Variants in RGSL1 observed in about 807,000 individuals in gnomAD.
The protein encoded by RGSL1 is regulator of G protein signaling protein-like.
RGSL1 carries 97 observed loss-of-function variants against 124.7 expected under a neutral mutation model. That is an observed-to-expected ratio of 0.78 (90% CI 0.66 to 0.92). The LOEUF is 0.92. Ranked by LOEUF, RGSL1 falls within the 40% of genes least tolerant of loss-of-function variation. The pLI is 0.00. For synonymous variants in RGSL1, 424 were observed against 438.1 expected, an observed-to-expected ratio of 0.97 and a Z score of 0.40; for missense variants, 1,233 against 1,288.4, an observed-to-expected ratio of 0.96 and a Z score of 0.66.
chr1:182,459,968 C>T (rs1397688787), intron 3 of RGSL1, 36 bp from the exon 4 acceptor site: 3 of 1,543,344 alleles, frequency 1.9e-6, no homozygotes, highest in South Asian at 2.4e-5. Context: ...TTCGGTTTCA[C>T]TTAGCATTTT....
At chr1:182,548,632 G>T in intron 16 of RGSL1, 68 bp from the exon 17 acceptor site, 1 of 1,538,236 alleles carries the variant, frequency 6.5e-7, no homozygotes. Flanking sequence ...GGGGTTCTGG[G>T]GGCCAGGAGA....
rs555762598 is a variant in RGSL1, at chr1:182,556,102, C to G, written c.*45C>G. The G allele has an allele frequency of 6.6e-7, 1 of 1,519,062 alleles. No individual in the cohort carries two copies. Among genetic ancestry groups the G allele is most frequent in the African/African-American group, 1.4e-5 (1 of 71,784 alleles). 94.1% of individuals were successfully genotyped at this position (1,519,062 alleles called of 1,614,324 possible). On this transcript the variant is annotated 3_prime_UTR_variant, in exon 21 of 22. Coordinates refer to ENST00000294854, the MANE Select transcript of RGSL1 (RefSeq NM_001137669.2). ...GAGATAAATCATCTCTTAGAGGCCT[C>G]CTAACACTGACAGAAACTTTTCTGG...
chr1:182,525,895 G>T (rs1284801724), intron 10 of RGSL1, among the ~76,000 whole-genome samples: 1 of 152,054 alleles, frequency 6.6e-6, no homozygotes, highest in Non-Finnish European at 1.5e-5. Context: ...TTAAAATCTG[G>T]ATTTAAAGAG....
In RGSL1 at chr1:182,498,708, T is replaced by C. The variant is rs540374089; in HGVS notation, c.1825+5579T>C. Among the ~76,000 whole-genome samples the C allele has an allele frequency of 1.4e-3, 211 of 152,322 alleles. 1 individual carries two copies. Among genetic ancestry groups the C allele is most frequent in the Non-Finnish European group, 2.7e-3 (187 of 68,026 alleles). On this transcript the variant is annotated intron_variant, in intron 9 of 21. Coordinates refer to ENST00000294854, the MANE Select transcript of RGSL1 (RefSeq NM_001137669.2). ...TGCCATGGGCCAACAGTGTGGTTGG[T>C]TTAAATTCAGTTTTTTGTTTTTTAT...
intron 4 of RGSL1, among the ~76,000 whole-genome samples, chr1:182,470,047 C>T (rs1653699781): frequency 6.6e-6 from 1 of 151,906 alleles, no homozygotes; most frequent in African/African-American, 2.4e-5. Context: ...TAAAGAGTTT[C>T]AGTTTTGCAA....
intron 8 of RGSL1, among the ~76,000 whole-genome samples, chr1:182,490,854 AG>A (rs1164230157): frequency 1.3e-5 from 2 of 151,608 alleles, no homozygotes; most frequent in African/African-American, 2.4e-5. Context: ...CTTGAATCTC[AG>A]GTAGGTTGGT....
Position 182,510,747 on chromosome 1 carries a change from A to G in RGSL1, c.1826-11257A>G, listed in dbSNP as rs575193114. Reference sequence around the variant, plus strand: ...GTATGTTTTCTTTTGAGAAACGTCTATTCAGAGCTTTTGCCCATTTTTAAG... The same window carrying G: ...GTATGTTTTCTTTTGAGAAACGTCTGTTCAGAGCTTTTGCCCATTTTTAAG... On this transcript the variant is annotated intron_variant, in intron 9 of 21. Coordinates refer to ENST00000294854, the MANE Select transcript of RGSL1 (RefSeq NM_001137669.2). 8.0e-5 allele frequency among the ~76,000 whole-genome samples: 12 copies of G among 150,892 alleles called. No homozygotes were observed. In the South Asian group the frequency reaches 2.3e-3, roughly 29 times the overall value.
intron 10 of RGSL1, among the ~76,000 whole-genome samples, chr1:182,524,423 G>A (rs1316305739): frequency 6.6e-6 from 1 of 152,120 alleles, no homozygotes; most frequent in Non-Finnish European, 1.5e-5. Flanking sequence ...AAATACAGAT[G>A]TACAAAGCAA....
intron 9 of RGSL1, among the ~76,000 whole-genome samples, chr1:182,497,220 GAGATAGAA>G (rs1000714745): frequency 1.7e-4 from 26 of 149,946 alleles, no homozygotes; most frequent in African/African-American, 5.4e-4. Flanking sequence ...GAATGAAAAA[GAGATAGAA>G]AGATAGATAG....
chr1:182,538,714 T>C (rs1285868187), intron 14 of RGSL1, among the ~76,000 whole-genome samples: 1 of 152,056 alleles, frequency 6.6e-6, no homozygotes, highest in Non-Finnish European at 1.5e-5. Flanking sequence ...ACTGTCAGGC[T>C]CATGCAGATG....
intron 2 of RGSL1, among the ~76,000 whole-genome samples, chr1:182,455,184 A>C (rs1652197749): frequency 6.6e-6 from 1 of 152,212 alleles, no homozygotes. Context: ...GATCATCCCT[A>C]CCTGGAAAAG....
chr1:182,453,962 A>G lies in RGSL1; in HGVS notation c.18A>G (p.Ile6Met). The G allele has an allele frequency of 6.7e-7, 1 of 1,488,034 alleles. No homozygotes were observed. The highest frequency in any genetic ancestry group is 9.2e-7 in the Non-Finnish European group (1 of 1,089,496). The allele number at this position is 1,488,034 out of a possible 1,614,324, so 92.2% of individuals were successfully genotyped here. The change falls in exon 2 of 22, where the codon ATA becomes ATG. Residue 6 changes from isoleucine (I) to methionine (M), a missense_variant. By Grantham distance (10) the Ile-to-Met change is conservative. Coordinates refer to ENST00000294854, the MANE Select transcript of RGSL1 (RefSeq NM_001137669.2). The stretch of plus-strand genomic sequence containing the variant: ...TATTTCTCTCTCTCCATATAGAGAT[A>G]ATTGGTTCTACAAATCTTATAATTC... The part of the protein sequence containing the change: MSSAE[I>M]IGSTNLIILL...
intron 17 of RGSL1, chr1:182,549,145 G>A: frequency 4.5e-6 from 1 of 223,874 alleles, no homozygotes; most frequent in Non-Finnish European, 8.9e-6. Context: ...GTGAACCACA[G>A]CCCCTTGGGG....
At chr1:182,524,555 G>A (rs527809843) in intron 10 of RGSL1, among the ~76,000 whole-genome samples, 1 of 152,268 alleles carries the variant, frequency 6.6e-6, no homozygotes, top group Admixed American at 6.5e-5. Context: ...ATTAACGGAA[G>A]GCATTTAACA....
At chr1:182,518,392 G>C (rs1658059972) in intron 9 of RGSL1, among the ~76,000 whole-genome samples, 1 of 152,186 alleles carries the variant, frequency 6.6e-6, no homozygotes, top group Non-Finnish European at 1.5e-5. Context: ...GGGAAGGCTA[G>C]CTAGGGGTTT....
intron 9 of RGSL1, among the ~76,000 whole-genome samples, chr1:182,519,946 T>G (rs550712939): frequency 1.0e-3 from 156 of 152,294 alleles, no homozygotes; most frequent in Non-Finnish European, 2.0e-3. Context: ...TATTTTCCTT[T>G]GTCTTATAAT....
chr1:182,451,610 G>T (rs765707317), intron 1 of RGSL1, among the ~76,000 whole-genome samples: 1 of 151,106 alleles, frequency 6.6e-6, no homozygotes, highest in Non-Finnish European at 1.5e-5. Flanking sequence ...GGCAGAGTGC[G>T]CAGAGAGGCA....
At chr1:182,511,809 T>G (rs2102200568) in intron 9 of RGSL1, among the ~76,000 whole-genome samples, 1 of 152,342 alleles carries the variant, frequency 6.6e-6, no homozygotes, top group Admixed American at 6.5e-5. Flanking sequence ...ATAGGATGAA[T>G]CTATAAATTA....
chr1:182,460,353 T>G (rs1476899262), intron 4 of RGSL1, among the ~76,000 whole-genome samples: 1 of 152,190 alleles, frequency 6.6e-6, no homozygotes, highest in Non-Finnish European at 1.5e-5. Flanking sequence ...CCAGCCCATG[T>G]TTTGGCAATA....
Sources: allele counts gnomAD v4.1 joint callset (sites outside exome capture counted in the v4.1 genomes callset), GRCh38; gene constraint gnomAD v4.1.1; transcripts MANE v1.5; gene names NCBI Gene and HGNC (gene_info 2026-07-23, HGNC 2026-07-21).